The following GIMAP8 variants were observed in gnomAD, a reference collection of about 807,000 sequenced individuals.
GIMAP8 encodes GTPase IMAP family member 8.
GIMAP8 carries 29 observed loss-of-function variants against 35.6 expected under a neutral mutation model. The observed-to-expected ratio is 0.81, with a 90% CI of 0.61 to 1.11. The LOEUF (loss-of-function observed/expected upper bound fraction) is 1.11. Among genes scored for constraint, GIMAP8 ranks in the 50% most tolerant of loss-of-function variants. The pLI is 0.00. For synonymous variants in GIMAP8, 335 were observed against 308.7 expected (o/e 1.09, Z -0.89); for missense variants, 811 against 805.0 (o/e 1.01, Z -0.09).
rs1196303525 is a variant in GIMAP8, at chr7:150,477,785, C to A, written c.*5C>A. The A allele has an allele frequency of 1.2e-6, 2 of 1,607,816 alleles. No homozygotes were observed. The highest frequency in any genetic ancestry group is 1.3e-5 in the African/African-American group (1 of 74,474). On this transcript the variant is annotated 3_prime_UTR_variant, in exon 5 of 5. Coordinates refer to ENST00000307271, the MANE Select transcript of GIMAP8 (RefSeq NM_175571.4). The stretch of plus-strand genomic sequence containing the variant: ...TTAATAGGTATTTTACAATAGGTAG[C>A]CGAAGTGCCTGGGGTCTCTTCAATT...
chr7:150,465,403 T>G (rs910247255), intron 1 of GIMAP8, among the ~76,000 whole-genome samples: 4 of 152,188 alleles, frequency 2.6e-5, no homozygotes, highest in Non-Finnish European at 4.4e-5. Context: ...TACTTGCTGA[T>G]GTACCCTAAA....
chr7:150,460,204 A>C (rs1801814471), intron 1 of GIMAP8, among the ~76,000 whole-genome samples: 1 of 152,204 alleles, frequency 6.6e-6, no homozygotes, highest in Admixed American at 6.5e-5. Flanking sequence ...GAAGAGGCTG[A>C]CTGGGATCCA....
In GIMAP8 at chr7:150,470,754, T is replaced by TA. The variant is rs1802069938; in HGVS notation, c.637-75_637-74insA. 5 of 685,120 alleles carry TA rather than the reference T, an allele frequency of 7.3e-6. No individual in the cohort carries two copies. The African/African-American group carries it at 7.6e-5, about 10-fold the overall frequency. 42.4% of individuals were successfully genotyped at this position (685,120 alleles called of 1,614,324 possible). A position where few individuals can be genotyped will look rare whatever the true frequency, so the allele number is the denominator to read the frequency against. On this transcript the variant is annotated intron_variant, in intron 2 of 4. Transcript: ENST00000307271. The stretch of plus-strand genomic sequence containing the variant: ...ATTAATACTTCAATTTCCTTTTTTT[T>TA]TTTTTTTTTTTTTTCAGTTTGTGGA...
intron 1 of GIMAP8, among the ~76,000 whole-genome samples, chr7:150,455,993 C>T (rs1801722761): frequency 6.6e-6 from 1 of 152,060 alleles, no homozygotes; most frequent in Non-Finnish European, 1.5e-5. Flanking sequence ...TGCCACAATT[C>T]CAGATATCAC....
chr7:150,467,602 A>G (rs1350803929), intron 2 of GIMAP8, among the ~76,000 whole-genome samples: 1 of 152,138 alleles, frequency 6.6e-6, no homozygotes, highest in East Asian at 1.9e-4. Flanking sequence ...ACACACAATG[A>G]TTTGTTTGAC....
chr7:150,464,184 T>C (rs1801902504), intron 1 of GIMAP8, among the ~76,000 whole-genome samples: 1 of 152,144 alleles, frequency 6.6e-6, no homozygotes, highest in Non-Finnish European at 1.5e-5. Flanking sequence ...ATAAGTATGA[T>C]AAAAAGGAAA....
chr7:150,452,675 G>GATATAGATATAGATATATAT (rs1801639417), intron 1 of GIMAP8, among the ~76,000 whole-genome samples: 1 of 79,672 alleles, frequency 1.3e-5, no homozygotes, highest in African/African-American at 5.3e-5. Context: ...GTGTGTGTGA[G>GATATAGATATAGATATATAT]ATATATATAT....
chr7:150,471,049 G>T (rs1802080019), intron 3 of GIMAP8, among the ~76,000 whole-genome samples, 175 bp downstream of exon 3: 1 of 152,170 alleles, frequency 6.6e-6, no homozygotes, highest in African/African-American at 2.4e-5. Context: ...TTGTGAGTAG[G>T]TATAGCACCA....
chr7:150,452,677 T>TATAC (rs1554492382), intron 1 of GIMAP8, among the ~76,000 whole-genome samples: 1 of 28,178 alleles, frequency 3.5e-5, no homozygotes, highest in Non-Finnish European at 7.3e-5. Context: ...GTGTGTGAGA[T>TATAC]ATATATATAT....
intron 1 of GIMAP8, among the ~76,000 whole-genome samples, chr7:150,466,109 T>C (rs1395875122): frequency 6.6e-6 from 1 of 152,240 alleles, no homozygotes; most frequent in African/African-American, 2.4e-5. Context: ...TGAAGTTTTC[T>C]AGTTTGTCTT....
At chr7:150,461,598 T>C (rs1369019822) in intron 1 of GIMAP8, among the ~76,000 whole-genome samples, 2 of 152,252 alleles carry the variant, frequency 1.3e-5, no homozygotes, top group Non-Finnish European at 2.9e-5. Context: ...TCTCATTCTA[T>C]GTGCTTTACA....
chr7:150,466,590 A>C, intron 1 of GIMAP8, 81 bp from the exon 2 acceptor site: 1 of 1,283,698 alleles, frequency 7.8e-7, no homozygotes, highest in South Asian at 1.5e-5. Context: ...TTGAGTCAAA[A>C]AGAGAATGTC....
At position 150,474,128 on chromosome 7, in the gene GIMAP8, A is replaced by G. The variant is rs1404117180; in HGVS notation, c.799A>G (p.Ile267Val). The change falls in exon 4 of 5, where the codon ATT becomes GTT. Residue 267 changes from isoleucine to valine, a missense_variant. Physicochemically the swap from Ile to Val is conservative, Grantham distance 29. Transcript: ENST00000307271. ...GAGKSAAGNS[I>V]LGRQAFQTGF... ...TGGAAAAAGTGCAGCAGGAAACAGC[A>G]TTCTGGGGAGGCAGGCCTTTCAGAC... 2 of 1,614,228 alleles carry G rather than the reference A, an allele frequency of 1.2e-6. No homozygotes were observed. Among genetic ancestry groups the G allele is most frequent in the East Asian group, 2.2e-5 (1 of 44,890 alleles).
intron 1 of GIMAP8, among the ~76,000 whole-genome samples, chr7:150,452,008 A>C (rs952155528): frequency 2.0e-5 from 3 of 152,176 alleles, no homozygotes; most frequent in Non-Finnish European, 2.9e-5. Flanking sequence ...GAATCCCCGC[A>C]TGGCTGGATG....
chr7:150,470,764 TTTTTC>T, intron 2 of GIMAP8, 60 bp from the exon 3 acceptor site: 1 of 730,514 alleles, frequency 1.4e-6, no homozygotes, highest in Non-Finnish European at 2.1e-6. Context: ...TTTTTTTTTT[TTTTTC>T]AGTTTGTGGA....
intron 4 of GIMAP8, among the ~76,000 whole-genome samples, chr7:150,475,283 G>T (rs1802203510): frequency 6.6e-6 from 1 of 152,104 alleles, no homozygotes; most frequent in South Asian, 2.1e-4. Flanking sequence ...AAGTTGAAAT[G>T]AAACAAAAAA....
intron 1 of GIMAP8, among the ~76,000 whole-genome samples, chr7:150,464,277 C>A (rs1801905681): frequency 6.6e-6 from 1 of 152,168 alleles, no homozygotes; most frequent in African/African-American, 2.4e-5. Context: ...ATTTTCCAAT[C>A]ATCATTTTGC....
intron 3 of GIMAP8, among the ~76,000 whole-genome samples, chr7:150,471,126 C>T (rs1802081483): frequency 6.6e-6 from 1 of 152,190 alleles, no homozygotes; most frequent in African/African-American, 2.4e-5. Context: ...CTGGGCTTGC[C>T]TCTTGTGTCT....
intron 4 of GIMAP8, among the ~76,000 whole-genome samples, chr7:150,476,489 A>G (rs1802232173): frequency 6.6e-6 from 1 of 152,254 alleles, no homozygotes; most frequent in Non-Finnish European, 1.5e-5. Flanking sequence ...CTGACTCATC[A>G]GTGAAAGGCA....
Sources: gnomAD v4.1 joint callset for allele counts (sites outside exome capture counted in the v4.1 genomes callset) on GRCh38, gnomAD v4.1.1 for gene constraint, MANE v1.5 for transcripts, NCBI Gene and HGNC (gene_info 2026-07-23, HGNC 2026-07-21) for gene names.